ACSBG1: variants seen among roughly 807,000 people sequenced by gnomAD.
ACSBG1 encodes long-chain-fatty-acid--CoA ligase ACSBG1.
ACSBG1 carries 39 observed loss-of-function variants against 80.2 expected under a neutral mutation model. That is an observed-to-expected ratio of 0.49 (90% CI 0.38 to 0.64). ACSBG1 has a LOEUF of 0.64. Ranked by LOEUF, ACSBG1 falls within the 30% of genes least tolerant of loss-of-function variation. The pLI, the probability that ACSBG1 is intolerant of heterozygous loss-of-function variation, is 0.00. For synonymous variants in ACSBG1, 392 were observed against 379.5 expected, an observed-to-expected ratio of 1.03 and a Z score of -0.38; for missense variants, 828 against 966.4, an observed-to-expected ratio of 0.86 and a Z score of 1.90.
Position 78,173,601 on chromosome 15 carries a change from C to T in ACSBG1, c.2081G>A (p.Gly694Glu), listed in dbSNP as rs1374676824. 2 of 1,614,152 alleles carry T rather than the reference C, an allele frequency of 1.2e-6. No individual in the cohort carries two copies. The highest frequency in any genetic ancestry group is 1.7e-6 in the Non-Finnish European group (2 of 1,180,024). The change falls in exon 13 of 14, where the codon GGA (glycine) becomes GAA (glutamate). Residue 694 changes from glycine to glutamate, a missense_variant. Coordinates refer to ENST00000258873, the MANE Select transcript of ACSBG1 (RefSeq NM_015162.5). ...ILERDFSISG[G>E]ELGPTMKLKR... ...GAAAAGGAAAAACCTACCCAACTCTCCACCCGAAATGGAGAAGTCTCTCTC... is the reference window on the plus strand; with the variant it reads ...GAAAAGGAAAAACCTACCCAACTCTTCACCCGAAATGGAGAAGTCTCTCTC...
Position 78,169,115 on chromosome 15 carries a change from A to G in ACSBG1, c.*2329T>C, listed in dbSNP as rs17674205. ...TGGTTTGCTTGTTTCTTGACAGTAC[A>G]TTTTTAGATCTGGCCTTTTCTTAAC... On this transcript the variant is annotated 3_prime_UTR_variant, in exon 14 of 14. Coordinates refer to ENST00000258873, the MANE Select transcript of ACSBG1 (RefSeq NM_015162.5). 0.068 allele frequency: 41,410 copies of G among 606,398 alleles called. 1,945 individuals carry two copies. The highest frequency in any genetic ancestry group is 0.085 in the Non-Finnish European group (30,391 of 355,910). 37.6% of individuals were successfully genotyped at this position (606,398 alleles called of 1,614,324 possible).
intron 1 of ACSBG1, among the ~76,000 whole-genome samples, chr15:78,215,790 A>AAGAAAGAAAGAAAG (rs2075307995): frequency 6.8e-6 from 1 of 147,564 alleles, no homozygotes; most frequent in Non-Finnish European, 1.5e-5. Context: ...AAGAAAGAGA[A>AAGAAAGAAAGAAAG]AGAAAGAGAG....
intron 8 of ACSBG1, among the ~76,000 whole-genome samples, chr15:78,181,432 C>T (rs1238512743): frequency 2.7e-5 from 4 of 150,296 alleles, no homozygotes; most frequent in Middle Eastern, 3.3e-3. Context: ...CGTCCTTGAT[C>T]GTGTCACAAG....
At chr15:78,221,104 G>A (rs566240176) in intron 1 of ACSBG1, among the ~76,000 whole-genome samples, 1 of 152,336 alleles carries the variant, frequency 6.6e-6, no homozygotes, top group East Asian at 1.9e-4. Context: ...GAGGAGGGAC[G>A]AGAGACTGAG....
intron 4 of ACSBG1, 139 bp from the exon 5 acceptor site, chr15:78,193,765 T>G (rs1595888857): frequency 7.5e-7 from 1 of 1,337,094 alleles, no homozygotes; most frequent in Non-Finnish European, 9.9e-7. Flanking sequence ...CCTGAGCACC[T>G]CCTCCCCTGC....
At chr15:78,200,948 T>C (rs2075162080) in intron 2 of ACSBG1, among the ~76,000 whole-genome samples, 1 of 152,184 alleles carries the variant, frequency 6.6e-6, no homozygotes, top group African/African-American at 2.4e-5. Flanking sequence ...CACCTTTCCT[T>C]ACAGCCAACC....
chr15:78,178,119 C>T lies in ACSBG1; in HGVS notation c.1702+495G>A, dbSNP rs2074901571. The stretch of plus-strand genomic sequence containing the variant: ...TAACCTCTCTGGATGTCCTCATTAG[C>T]AAGTTAAGGTTAATAAGTACCTGCC... On this transcript the variant is annotated intron_variant, in intron 11 of 13. Coordinates refer to ENST00000258873, the MANE Select transcript of ACSBG1 (RefSeq NM_015162.5). This position sits in a 1 kb window ranked among gnomAD's most constrained non-coding sequence, Gnocchi z 4.3. Among the ~76,000 whole-genome samples, 1 of 152,044 alleles carries T rather than the reference C, an allele frequency of 6.6e-6. No individual in the cohort carries two copies. Among genetic ancestry groups the T allele is most frequent in the Admixed American group, 6.5e-5 (1 of 15,268 alleles).
chr15:78,209,389 C>A, intron 1 of ACSBG1: 1 of 392,550 alleles, frequency 2.5e-6, no homozygotes, highest in South Asian at 1.8e-5. Context: ...CCTGGAGCAG[C>A]CCTTCCATTG....
At position 78,173,807 on chromosome 15, in the gene ACSBG1, A is replaced by C. The variant is rs777881833; in HGVS notation, c.1875T>G (p.Thr625=). ...CTLDPDTSDQ[T]DNLTEQAMEF... Reference sequence around the variant, plus strand: ...CCATAGCTTGTTCAGTCAGATTATCAGTCTGGTCAGAGGTGTCTGGGTCCA... The same window carrying C: ...CCATAGCTTGTTCAGTCAGATTATCCGTCTGGTCAGAGGTGTCTGGGTCCA... The change falls in exon 13 of 14, where the codon ACT becomes ACG. Residue 625 remains threonine, a synonymous_variant. Coordinates refer to ENST00000258873, the MANE Select transcript of ACSBG1 (RefSeq NM_015162.5). The C allele has an allele frequency of 2.5e-6, 4 of 1,613,958 alleles. No homozygotes were observed. Among genetic ancestry groups the C allele is most frequent in the East Asian group, 2.2e-5 (1 of 44,896 alleles).
At position 78,174,459 on chromosome 15, in the gene ACSBG1, C is replaced by T. The variant is rs751622367; in HGVS notation, c.1768G>A (p.Glu590Lys). ...PVPIEEAVKM[E>K]LPIISNAMLI... The stretch of plus-strand genomic sequence containing the variant: ...ATGGCGTTGCTGATGATGGGCAGCT[C>T]CATCTTCACGGCCTCCTCGATGGGC... The change falls in exon 12 of 14, where the codon GAG (glutamate) becomes AAG (lysine). Residue 590 changes from glutamate (E) to lysine (K), a missense_variant. Physicochemically the swap from Glu to Lys is moderately conservative, Grantham distance 56 (BLOSUM62 1). Coordinates refer to ENST00000258873, the MANE Select transcript of ACSBG1 (RefSeq NM_015162.5). The T allele has an allele frequency of 5.6e-6, 9 of 1,614,054 alleles. No homozygotes were observed. Among genetic ancestry groups the T allele is most frequent in the Non-Finnish European group, 6.8e-6 (8 of 1,180,050 alleles).
chr15:78,206,397 G>C (rs2075215193), intron 2 of ACSBG1, among the ~76,000 whole-genome samples: 1 of 152,206 alleles, frequency 6.6e-6, no homozygotes, highest in African/African-American at 2.4e-5. Context: ...GCCCTTTACA[G>C]AGGACCTGTC....
At chr15:78,181,152 G>T (rs2141329161) in intron 8 of ACSBG1, 1 of 586,326 alleles carries the variant, frequency 1.7e-6, no homozygotes, top group Middle Eastern at 4.6e-4. Flanking sequence ...GGCAGCCAGT[G>T]CTGACCTCAG....
Position 78,169,511 on chromosome 15 carries a change from A to G in ACSBG1, c.*1933T>C, listed in dbSNP as rs2074792465. On this transcript the variant is annotated 3_prime_UTR_variant, in exon 14 of 14. Transcript: ENST00000258873. ...TCCTGGGAAAGTTCACATCAAAAAG[A>G]GTGAATGTGGTATATTTCTAAATGA... 6.6e-6 allele frequency: 1 copy of G among 152,276 alleles called. No individual in the cohort carries two copies. Among genetic ancestry groups the G allele is most frequent in the Admixed American group, 6.5e-5 (1 of 15,288 alleles). The allele number at this position is 152,276 out of a possible 1,614,324, so 9.4% of individuals were successfully genotyped here.
At chr15:78,209,043 G>A (rs551898552) in intron 1 of ACSBG1, 62 of 423,468 alleles carry the variant, frequency 1.5e-4, no homozygotes, top group South Asian at 1.0e-3. Flanking sequence ...GCTGGTCATG[G>A]TGTCCCTGAG....
intron 2 of ACSBG1, among the ~76,000 whole-genome samples, chr15:78,205,312 T>C (rs186780314): frequency 1.1e-3 from 166 of 152,092 alleles, no homozygotes; most frequent in Non-Finnish European, 1.8e-3. Flanking sequence ...GCTCAGGACC[T>C]CAAACTTTTT....
intron 1 of ACSBG1, chr15:78,209,202 A>C: frequency 2.2e-6 from 1 of 456,030 alleles, no homozygotes; most frequent in Non-Finnish European, 4.4e-6. Flanking sequence ...AACAAAACTA[A>C]GTTTGTGAAC....
At chr15:78,207,923 A>ACCCCCCC in intron 2 of ACSBG1, 79 bp downstream of exon 2, 7 of 284,788 alleles carry the variant, frequency 2.5e-5, no homozygotes, top group East Asian at 1.9e-4. Context: ...GTGGTCCCCC[A>ACCCCCCC]CACCACCCAC....
intron 1 of ACSBG1, among the ~76,000 whole-genome samples, chr15:78,224,875 G>C (rs1416699477): frequency 1.3e-5 from 2 of 152,088 alleles, no homozygotes; most frequent in African/African-American, 2.4e-5. Context: ...TACATTTGGA[G>C]ATCCTAAAAG....
At chr15:78,222,241 T>A (rs2075364724) in intron 1 of ACSBG1, among the ~76,000 whole-genome samples, 1 of 152,232 alleles carries the variant, frequency 6.6e-6, no homozygotes, top group African/African-American at 2.4e-5. Context: ...ATGTCCAGAA[T>A]AAGCAAATCT....
Sources: allele counts gnomAD v4.1 joint callset (sites outside exome capture counted in the v4.1 genomes callset), GRCh38; gene constraint gnomAD v4.1.1; non-coding constraint Gnocchi (gnomAD v3.1); transcripts MANE v1.5; gene names NCBI Gene and HGNC (gene_info 2026-07-23, HGNC 2026-07-21).